The following HDAC9 variants were observed in gnomAD, a reference collection of about 807,000 sequenced individuals.
HDAC9 encodes the protein MEF-2 interacting transcription repressor (MITR) protein.
Under a neutral mutation model 139.4 loss-of-function variants are expected in HDAC9, and 41 were observed. The ratio of observed to expected loss-of-function variants is 0.29; its 90% CI spans 0.23 to 0.38. The LOEUF (loss-of-function observed/expected upper bound fraction) is 0.38. Ranked by LOEUF, HDAC9 falls within the 10% of genes least tolerant of loss-of-function variation. HDAC9 has a pLI of 1.00. For synonymous variants in HDAC9, 517 were observed against 476.2 expected (o/e 1.09, Z -1.12); for missense variants, 1,147 against 1,297.0 (o/e 0.88, Z 1.78).
chr7:18,898,264 G>C (rs1282921961), intron 22 of HDAC9, among the ~76,000 whole-genome samples: 1 of 151,690 alleles, frequency 6.6e-6, no homozygotes, highest in East Asian at 1.9e-4. Flanking sequence ...TATTCTATGG[G>C]AACATAGATG....
chr7:18,101,945 A>G (rs1395071388), intron 1 of HDAC9, among the ~76,000 whole-genome samples: 2 of 152,210 alleles, frequency 1.3e-5, no homozygotes, highest in Non-Finnish European at 1.5e-5. Flanking sequence ...ATAAATTACT[A>G]TATTTTAAAT....
chr7:18,907,950 T>G (rs1283723220), intron 22 of HDAC9, among the ~76,000 whole-genome samples: 1 of 152,150 alleles, frequency 6.6e-6, no homozygotes, highest in Non-Finnish European at 1.5e-5. Flanking sequence ...TATCATGTAT[T>G]TAGCCATTTT....
intron 21 of HDAC9, among the ~76,000 whole-genome samples, chr7:18,871,036 T>G (rs1281866823): frequency 6.6e-6 from 1 of 152,190 alleles, no homozygotes; most frequent in Non-Finnish European, 1.5e-5. Flanking sequence ...GGTAATTATA[T>G]ATTTTCCTCA....
chr7:18,722,536 C>T (rs1785221882), intron 12 of HDAC9, among the ~76,000 whole-genome samples: 1 of 152,080 alleles, frequency 6.6e-6, no homozygotes, highest in Admixed American at 6.6e-5. Context: ...GGTAAAAAAA[C>T]TGGCTTAGTG....
intron 2 of HDAC9, among the ~76,000 whole-genome samples, chr7:18,270,033 G>A (rs1584937258): frequency 6.6e-6 from 1 of 152,158 alleles, no homozygotes; most frequent in Non-Finnish European, 1.5e-5. Context: ...TTCGTTATAG[G>A]AGGTACAGTC....
intron 1 of HDAC9, among the ~76,000 whole-genome samples, chr7:18,295,206 G>GAGA (rs1219135328): frequency 6.6e-6 from 1 of 152,072 alleles, no homozygotes; most frequent in Non-Finnish European, 1.5e-5. Context: ...GAAGACAGAG[G>GAGA]AGAAGCAGCC....
chr7:18,683,293 TAAAA>T (rs887447097), intron 12 of HDAC9, among the ~76,000 whole-genome samples: 13 of 151,332 alleles, frequency 8.6e-5, no homozygotes, highest in African/African-American at 2.7e-4. Context: ...ATGAAAAAAA[TAAAA>T]AATACAGTGT....
chr7:18,538,488 A>G (rs1811616772), intron 2 of HDAC9, among the ~76,000 whole-genome samples: 1 of 152,216 alleles, frequency 6.6e-6, no homozygotes, highest in African/African-American at 2.4e-5. Flanking sequence ...TGGGAATCAG[A>G]TATTCATACA....
chr7:18,215,145 G>T (rs901609871), intron 2 of HDAC9, among the ~76,000 whole-genome samples: 1 of 152,064 alleles, frequency 6.6e-6, no homozygotes, highest in African/African-American at 2.4e-5. Context: ...TATTCTATTA[G>T]ACAATTTTAT....
intron 1 of HDAC9, among the ~76,000 whole-genome samples, chr7:18,461,022 G>A (rs1159744531): frequency 2.6e-5 from 4 of 152,006 alleles, no homozygotes; most frequent in Non-Finnish European, 5.9e-5. Context: ...TAAATAAGCG[G>A]CACTCTTTCT....
intron 2 of HDAC9, among the ~76,000 whole-genome samples, chr7:18,580,631 G>A (rs535555853): frequency 6.6e-6 from 1 of 152,222 alleles, no homozygotes; most frequent in South Asian, 2.1e-4. Flanking sequence ...AATATTTGCT[G>A]TCATCAGATT....
chr7:18,263,494 C>G (rs976610953), intron 2 of HDAC9, among the ~76,000 whole-genome samples: 1 of 152,102 alleles, frequency 6.6e-6, no homozygotes, highest in Non-Finnish European at 1.5e-5. Flanking sequence ...CACCTGTTGC[C>G]TTGAACAAAC....
intron 1 of HDAC9, among the ~76,000 whole-genome samples, chr7:18,299,416 T>G (rs554072534): frequency 6.6e-6 from 1 of 152,294 alleles, no homozygotes; most frequent in South Asian, 2.1e-4. Context: ...AAGATATATT[T>G]TTTTTCCTAG....
intron 1 of HDAC9, among the ~76,000 whole-genome samples, chr7:18,097,629 G>A (rs910759870): frequency 1.3e-5 from 2 of 152,054 alleles, no homozygotes; most frequent in Admixed American, 1.3e-4. Flanking sequence ...ATGCAGCAGT[G>A]TGATCATAGC....
At chr7:18,992,269 A>G (rs1389974055) in intron 25 of HDAC9, among the ~76,000 whole-genome samples, 3 of 152,218 alleles carry the variant, frequency 2.0e-5, no homozygotes, top group East Asian at 3.8e-4. Flanking sequence ...TATTGGGAGA[A>G]TGAATAGTTA....
chr7:18,262,000 A>G (rs1323525879), intron 2 of HDAC9, among the ~76,000 whole-genome samples: 1 of 152,250 alleles, frequency 6.6e-6, no homozygotes, highest in Non-Finnish European at 1.5e-5. Flanking sequence ...TAGCAAAGAT[A>G]TATCAAATCC....
intron 2 of HDAC9, among the ~76,000 whole-genome samples, chr7:18,273,153 C>T (rs956336380): frequency 1.4e-5 from 2 of 144,952 alleles, no homozygotes; most frequent in African/African-American, 2.6e-5. Context: ...GCATCAAACT[C>T]GTGGACTTAA....
At chr7:18,373,906 A>C (rs1020839873) in intron 1 of HDAC9, among the ~76,000 whole-genome samples, 1 of 152,162 alleles carries the variant, frequency 6.6e-6, no homozygotes, top group African/African-American at 2.4e-5. Context: ...TTAGAAATAG[A>C]AAAGCACTCT....
intron 13 of HDAC9, among the ~76,000 whole-genome samples, chr7:18,730,934 A>T (rs1275238263): frequency 6.6e-6 from 1 of 152,204 alleles, no homozygotes; most frequent in Non-Finnish European, 1.5e-5. Flanking sequence ...GTAAAAAATA[A>T]TTAAAAGCAT....
Sources: allele counts gnomAD v4.1 joint callset (sites outside exome capture counted in the v4.1 genomes callset), GRCh38; gene constraint gnomAD v4.1.1; transcripts MANE v1.5; gene names NCBI Gene and HGNC (gene_info 2026-07-23, HGNC 2026-07-21).